The following NRCAM variants were observed in gnomAD, a reference collection of about 807,000 sequenced individuals.
The protein encoded by NRCAM is neuronal cell adhesion molecule.
In NRCAM, 83 loss-of-function variants were observed where a neutral mutation model predicts 156.5. The ratio of observed to expected loss-of-function variants is 0.53; its 90% CI spans 0.44 to 0.64. The LOEUF (loss-of-function observed/expected upper bound fraction) is 0.64, where lower values mean the gene tolerates loss of function less well. Among genes scored for constraint, NRCAM ranks in the 30% least tolerant of loss-of-function variants. The pLI is 0.00. For synonymous variants in NRCAM, 538 were observed against 563.9 expected, an observed-to-expected ratio of 0.95 and a Z score of 0.65; for missense variants, 1,417 against 1,597.3, an observed-to-expected ratio of 0.89 and a Z score of 1.92.
At chr7:108,223,528 TTAC>T (rs2092835379) in intron 11 of NRCAM, among the ~76,000 whole-genome samples, 194 bp downstream of exon 11, 1 of 152,170 alleles carries the variant, frequency 6.6e-6, no homozygotes, top group Admixed American at 6.6e-5. Flanking sequence ...TTCAATAAGA[TTAC>T]TATTACATTA....
At chr7:108,427,597 T>C (rs1818992870) in intron 1 of NRCAM, among the ~76,000 whole-genome samples, 1 of 152,258 alleles carries the variant, frequency 6.6e-6, no homozygotes, top group Non-Finnish European at 1.5e-5. Context: ...AATTTATTTA[T>C]GATTTTACCA....
At chr7:108,235,979 C>G (rs1330336877) in intron 5 of NRCAM, among the ~76,000 whole-genome samples, 3 of 152,122 alleles carry the variant, frequency 2.0e-5, no homozygotes, top group African/African-American at 7.2e-5. Flanking sequence ...TCTCACTGTT[C>G]TTTCCTTTCC....
At chr7:108,222,992 C>A (rs1562810954) in intron 11 of NRCAM, among the ~76,000 whole-genome samples, 2 of 152,136 alleles carry the variant, frequency 1.3e-5, no homozygotes, top group African/African-American at 4.8e-5. Flanking sequence ...GTGTGCACAA[C>A]TAAGTTATTT....
intron 2 of NRCAM, among the ~76,000 whole-genome samples, chr7:108,323,389 T>C (rs989854107): frequency 4.6e-5 from 7 of 152,188 alleles, no homozygotes; most frequent in Non-Finnish European, 7.3e-5. Flanking sequence ...AAGCATGACA[T>C]TGAAGGCATC....
chr7:108,449,044 G>A (rs948811194), intron 1 of NRCAM, among the ~76,000 whole-genome samples: 6 of 152,156 alleles, frequency 3.9e-5, no homozygotes, highest in Admixed American at 1.3e-4. Context: ...CTGAGTGAGC[G>A]CCAGACACAG....
At chr7:108,415,112 CAT>C (rs1799923661) in intron 1 of NRCAM, among the ~76,000 whole-genome samples, 1 of 152,216 alleles carries the variant, frequency 6.6e-6, no homozygotes, top group Non-Finnish European at 1.5e-5. Flanking sequence ...CCACACCCTC[CAT>C]CACACCTGTG....
At chr7:108,239,786 T>C (rs1488046467) in intron 4 of NRCAM, among the ~76,000 whole-genome samples, 173 bp downstream of exon 4, 1 of 152,194 alleles carries the variant, frequency 6.6e-6, no homozygotes, top group African/African-American at 2.4e-5. Context: ...AATGGCCACT[T>C]CTACAGTGTG....
intron 27 of NRCAM, among the ~76,000 whole-genome samples, chr7:108,176,066 T>C (rs1337508481): frequency 6.6e-6 from 1 of 152,094 alleles, no homozygotes; most frequent in East Asian, 1.9e-4. Context: ...TGTGTATGCA[T>C]ATGTGTGTAT....
intron 1 of NRCAM, among the ~76,000 whole-genome samples, chr7:108,430,983 G>T (rs183453928): frequency 2.6e-5 from 4 of 152,094 alleles, no homozygotes; most frequent in Admixed American, 2.6e-4. Context: ...GGATCATTGA[G>T]GTGTCCCCTA....
At chr7:108,426,533 C>G (rs1297622185) in intron 1 of NRCAM, among the ~76,000 whole-genome samples, 3 of 152,190 alleles carry the variant, frequency 2.0e-5, no homozygotes, top group Non-Finnish European at 4.4e-5. Context: ...CAGGGTAAGG[C>G]TGAAGCCCAC....
intron 20 of NRCAM, among the ~76,000 whole-genome samples, chr7:108,185,727 A>AGG (rs1380972753): frequency 2.7e-5 from 3 of 111,254 alleles, no homozygotes; most frequent in African/African-American, 8.6e-5. Context: ...AAAAAGAGAG[A>AGG]GAGAGAGGAA....
intron 28 of NRCAM, among the ~76,000 whole-genome samples, chr7:108,170,079 G>A (rs79383374): frequency 0.037 from 5,626 of 151,650 alleles, 350 homozygotes; most frequent in African/African-American, 0.13. Flanking sequence ...TACGAGTATC[G>A]ACTCTCCTAA....
chr7:108,277,757 C>G (rs1160257315), intron 3 of NRCAM, among the ~76,000 whole-genome samples: 1 of 152,152 alleles, frequency 6.6e-6, no homozygotes, highest in East Asian at 1.9e-4. Flanking sequence ...CAAACTCATT[C>G]TCTATCCAGT....
Position 108,182,830 on chromosome 7 carries a change from C to T in NRCAM, c.2395G>A (p.Val799Ile). Residue 799 changes from valine to isoleucine, a missense_variant, in exon 23 of 33, where the codon GTT (valine) becomes ATT (isoleucine). By Grantham distance (29) the Val-to-Ile change is conservative (BLOSUM62 3). Transcript: ENST00000379028. ...ATATATTTGGATACATTTGCCACAA[C>T]CACAGATGTCCATTCATCATCACCA... ...KDGDDEWTSV[V>I]VANVSKYIVS... is the part of the protein sequence containing the mutation. The T allele has an allele frequency of 3.1e-6, 5 of 1,614,196 alleles. No homozygotes were observed. The highest frequency in any genetic ancestry group is 1.1e-5 in the South Asian group (1 of 91,080).
In NRCAM at chr7:108,225,624, GTTACAATCACCATAAC is replaced by G; in HGVS notation, c.778+5_778+20del. On this transcript the variant is annotated splice_donor_5th_base_variant and intron_variant, in intron 10 of 32. Transcript: ENST00000379028. The stretch of plus-strand genomic sequence containing the variant: ...TTCTACAATGAAGGAGAGAATATCA[GTTACAATCACCATAAC>G]TCACCACCATAAAACTCAGTGTCAC... 1 of 1,477,042 alleles carries G rather than the reference GTTACAATCACCATAAC, an allele frequency of 6.8e-7. No homozygotes were observed. The highest frequency in any genetic ancestry group is 1.7e-5 in the Admixed American group (1 of 59,820). The allele number at this position is 1,477,042 out of a possible 1,614,324, so 91.5% of individuals were successfully genotyped here.
intron 30 of NRCAM, among the ~76,000 whole-genome samples, chr7:108,166,238 TCTTTC>T (rs1204700002): frequency 6.7e-6 from 1 of 148,864 alleles, no homozygotes; most frequent in African/African-American, 2.6e-5. Context: ...ATTGTGACTT[TCTTTC>T]TTTTCTTTTT....
chr7:108,335,730 C>T (rs917053893), intron 2 of NRCAM, among the ~76,000 whole-genome samples: 1 of 152,132 alleles, frequency 6.6e-6, no homozygotes, highest in Non-Finnish European at 1.5e-5. Context: ...CTTACTGTTG[C>T]TATAAACTGA....
chr7:108,277,197 C>G (rs2097666472), intron 3 of NRCAM, among the ~76,000 whole-genome samples: 1 of 152,162 alleles, frequency 6.6e-6, no homozygotes, highest in Non-Finnish European at 1.5e-5. Context: ...CTTGGTGAAT[C>G]TGACAACTAT....
rs1445329914 is a variant in NRCAM, at chr7:108,429,489, G to C, written c.-332+26754C>G. ...TTACAGGCATGAGCCATTGCGCCCA[G>C]CCCGGATGTTTCTTTTAAAAATACA... On this transcript the variant is annotated intron_variant, in intron 1 of 32. Coordinates refer to ENST00000379028, the MANE Select transcript of NRCAM (RefSeq NM_001037132.4). 1.7e-4 allele frequency among the ~76,000 whole-genome samples: 26 copies of C among 152,196 alleles called. 1 individual carries two copies. The highest frequency in any genetic ancestry group is 2.9e-5 in the Non-Finnish European group (2 of 68,034).
Sources: gnomAD v4.1 joint callset for allele counts (sites outside exome capture counted in the v4.1 genomes callset) on GRCh38, gnomAD v4.1.1 for gene constraint, MANE v1.5 for transcripts, NCBI Gene and HGNC (gene_info 2026-07-23, HGNC 2026-07-21) for gene names.